PPP1R21: variants seen among roughly 807,000 people sequenced by gnomAD.
PPP1R21 encodes KLRAQ motif containing 1.
A neutral mutation model predicts 112.8 loss-of-function variants in PPP1R21; 85 were observed. The ratio of observed to expected loss-of-function variants is 0.75; its 90% confidence interval spans 0.63 to 0.90. The LOEUF (loss-of-function observed/expected upper bound fraction) is 0.90, where lower values mean the gene tolerates loss of function less well. Among genes scored for constraint, PPP1R21 ranks in the 40% least tolerant of loss-of-function variants. The pLI is 0.00. For missense variants in PPP1R21, 1,199 were observed against 901.5 expected, an observed-to-expected ratio of 1.33 and a Z score of -4.23; for synonymous variants, 381 against 322.3, an observed-to-expected ratio of 1.18 and a Z score of -1.95.
At position 48,510,428 on chromosome 2, in the gene PPP1R21, A is replaced by G. The variant is rs567960597; in HGVS notation, c.2184+315A>G. Among the ~76,000 whole-genome samples, 4 of 152,310 alleles carry G rather than the reference A, an allele frequency of 2.6e-5. No homozygotes were observed. In the South Asian group the frequency reaches 8.3e-4, roughly 32 times the overall value. ...GGTGAGCTGTAGGCTTGTTCTGTACATAGTACTCTGTTCCTTTTCTTTCCT... is the reference window on the plus strand; with the variant it reads ...GGTGAGCTGTAGGCTTGTTCTGTACGTAGTACTCTGTTCCTTTTCTTTCCT... On this transcript the variant is annotated intron_variant, in intron 20 of 21. Coordinates refer to ENST00000294952, the MANE Select transcript of PPP1R21 (RefSeq NM_001135629.3).
chr2:48,482,556 AATAT>A (rs543344172), intron 13 of PPP1R21, among the ~76,000 whole-genome samples: 12 of 152,292 alleles, frequency 7.9e-5, no homozygotes, highest in African/African-American at 1.4e-4. Context: ...TATAAAGAGT[AATAT>A]ATCATCTAGA....
Position 48,469,469 on chromosome 2 carries a change from CATAT to C in PPP1R21, c.898-1606_898-1603del, listed in dbSNP as rs146311511. Among the ~76,000 whole-genome samples the C allele has an allele frequency of 3.4e-5, 2 of 58,522 alleles. 1 individual carries two copies. The highest frequency in any genetic ancestry group is 1.3e-4 in the African/African-American group (2 of 14,872). The allele number at this position is 58,522 out of a possible 152,430, so 38.4% of individuals were successfully genotyped here. ...AGAGAGAGCATATATATATATAGAG[CATAT>C]ATATATATATAGAGCATATATATAT... On this transcript the variant is annotated intron_variant, in intron 9 of 21. Coordinates refer to ENST00000294952, the MANE Select transcript of PPP1R21 (RefSeq NM_001135629.3).
chr2:48,448,854 T>C (rs1173663622), intron 1 of PPP1R21, among the ~76,000 whole-genome samples: 1 of 152,204 alleles, frequency 6.6e-6, no homozygotes, highest in Non-Finnish European at 1.5e-5. Flanking sequence ...TGAGGCTATG[T>C]GGTTTCTGTT....
chr2:48,440,867 C>A lies in PPP1R21; in HGVS notation c.-87C>A. On this transcript the variant is annotated 5_prime_UTR_variant, in exon 1 of 22. Coordinates refer to ENST00000294952, the MANE Select transcript of PPP1R21 (RefSeq NM_001135629.3). ...GGCCAAGCAGGCAGATACTGCCTGACCCGTTCCCGGGAGCGTGTCTGGGTT... is the reference window on the plus strand; with the variant it reads ...GGCCAAGCAGGCAGATACTGCCTGAACCGTTCCCGGGAGCGTGTCTGGGTT... 2 of 977,200 alleles carry A rather than the reference C, an allele frequency of 2.0e-6. No homozygotes were observed. 60.5% of individuals were successfully genotyped at this position (977,200 alleles called of 1,614,324 possible). A position where few individuals can be genotyped will look rare whatever the true frequency, so the allele number is the denominator to read the frequency against.
chr2:48,511,293 G>T (rs1670627185), intron 20 of PPP1R21, 47 bp from the exon 21 acceptor site: 2 of 1,576,246 alleles, frequency 1.3e-6, no homozygotes, highest in African/African-American at 2.7e-5. Context: ...CTTCAGAGTG[G>T]TACGACTCGT....
At chr2:48,441,069 G>T (rs894840368) in intron 1 of PPP1R21, 59 bp downstream of exon 1, 27 of 1,270,902 alleles carry the variant, frequency 2.1e-5, no homozygotes, top group Non-Finnish European at 2.6e-5. Flanking sequence ...GGTTGCCGTG[G>T]CAGCGACTTG....
chr2:48,483,457 A>G (rs1669128003), intron 13 of PPP1R21, among the ~76,000 whole-genome samples: 1 of 152,116 alleles, frequency 6.6e-6, no homozygotes, highest in Non-Finnish European at 1.5e-5. Context: ...TTTTGGGATT[A>G]TAGGCGTGAG....
chr2:48,493,786 T>C (rs1219158609), intron 15 of PPP1R21, among the ~76,000 whole-genome samples: 1 of 152,184 alleles, frequency 6.6e-6, no homozygotes, highest in Admixed American at 6.5e-5. Flanking sequence ...TAAATTTTTA[T>C]GTATGCTTTT....
chr2:48,470,982 T>C (rs1668472171), intron 9 of PPP1R21, 105 bp from the exon 10 acceptor site: 1 of 767,682 alleles, frequency 1.3e-6, no homozygotes, highest in Middle Eastern at 3.7e-4. Flanking sequence ...TGAGCCATTA[T>C]CAGGTTTACA....
chr2:48,454,801 G>A (rs535530753), intron 3 of PPP1R21, 60 bp downstream of exon 3: 83 of 1,341,204 alleles, frequency 6.2e-5, no homozygotes, highest in Non-Finnish European at 8.5e-5. Context: ...CACCTACAGG[G>A]CATCCTGGTT....
chr2:48,444,743 C>G (rs959232921), intron 1 of PPP1R21, among the ~76,000 whole-genome samples: 2 of 152,188 alleles, frequency 1.3e-5, no homozygotes, highest in Non-Finnish European at 2.9e-5. Flanking sequence ...ACCCAGCAAT[C>G]TGTGTTGTAA....
intron 17 of PPP1R21, among the ~76,000 whole-genome samples, chr2:48,502,975 C>T (rs995513498): frequency 6.6e-6 from 1 of 152,074 alleles, no homozygotes; most frequent in African/African-American, 2.4e-5. Context: ...CTGCCGCGCC[C>T]AGCCTAGAAA....
At chr2:48,498,309 T>C (rs755338167) in intron 16 of PPP1R21, among the ~76,000 whole-genome samples, 184 bp from the exon 17 acceptor site, 1 of 152,066 alleles carries the variant, frequency 6.6e-6, no homozygotes, top group Non-Finnish European at 1.5e-5. Flanking sequence ...GTTTAATTTC[T>C]CGATTTATGG....
rs753317503 is a variant in PPP1R21, at chr2:48,511,427, A to G, written c.2272A>G (p.Lys758Glu). The part of the protein sequence containing the change: ...HLCSMNETLS[K>E]QREEIDTLKM... ...GTGCAGCATGAATGAGACATTATCTAAACAGAGAGAAGAGATTGACACACT... is the reference window on the plus strand; with the variant it reads ...GTGCAGCATGAATGAGACATTATCTGAACAGAGAGAAGAGATTGACACACT... The change falls in exon 21 of 22, where the codon AAA (lysine) becomes GAA (glutamate). Residue 758 changes from lysine to glutamate, a missense_variant. Transcript: ENST00000294952. 5 of 1,613,972 alleles carry G rather than the reference A, an allele frequency of 3.1e-6. No homozygotes were observed. The highest frequency in any genetic ancestry group is 4.2e-6 in the Non-Finnish European group (5 of 1,180,002).
chr2:48,507,749 CTTTTTTTTTTTTTTTTTTTTTT>C (rs34546075), intron 19 of PPP1R21, among the ~76,000 whole-genome samples: 1 of 42,392 alleles, frequency 2.4e-5, no homozygotes, highest in Non-Finnish European at 3.9e-5. Flanking sequence ...GAGGCTCTGC[CTTTTTTTTTTTTTTTTTTTTTT>C]TTTTTTTTTT....
At chr2:48,472,731 T>C (rs892915026) in intron 11 of PPP1R21, among the ~76,000 whole-genome samples, 20 of 151,980 alleles carry the variant, frequency 1.3e-4, no homozygotes, top group Non-Finnish European at 2.8e-4. Context: ...GGAAGATCAC[T>C]TGAGGCCAGG....
intron 13 of PPP1R21, among the ~76,000 whole-genome samples, chr2:48,482,417 A>G (rs1669056952): frequency 6.6e-6 from 1 of 152,220 alleles, no homozygotes; most frequent in Non-Finnish European, 1.5e-5. Context: ...CCCAGAGCTT[A>G]TATCTTGAGG....
chr2:48,465,540 T>C lies in PPP1R21; in HGVS notation c.795T>C (p.Asp265=). The change falls in exon 9 of 22, where the codon GAT becomes GAC. Residue 265 remains aspartate (D), a synonymous_variant. Transcript: ENST00000294952. ...GGCAGGCCCTGGCTTTTGTTCAGGA[T>C]CTTGTGACGGCTCTTCTAAACTTTC... is the stretch of plus-strand genomic sequence containing the variant. ...IAGQALAFVQ[D]LVTALLNFHT... The C allele has an allele frequency of 6.2e-7, 1 of 1,613,980 alleles. No homozygotes were observed. Among genetic ancestry groups the C allele is most frequent in the Non-Finnish European group, 8.5e-7 (1 of 1,179,952 alleles).
chr2:48,447,723 C>T (rs901737271), intron 1 of PPP1R21, among the ~76,000 whole-genome samples: 1 of 151,974 alleles, frequency 6.6e-6, no homozygotes, highest in African/African-American at 2.4e-5. Context: ...CTGAGGTGGG[C>T]AGATCACTTG....
Sources: allele counts gnomAD v4.1 joint callset (sites outside exome capture counted in the v4.1 genomes callset), GRCh38; gene constraint gnomAD v4.1.1; transcripts MANE v1.5; gene names NCBI Gene and HGNC (gene_info 2026-07-23, HGNC 2026-07-21).